The following PKD1 variants were observed in gnomAD, a reference collection of about 807,000 sequenced individuals.
PKD1 encodes polycystin-1.
A neutral mutation model predicts 361.7 loss-of-function variants in PKD1; 81 were observed. That is an observed-to-expected ratio of 0.22 (90% CI 0.19 to 0.27). The LOEUF (loss-of-function observed/expected upper bound fraction) is 0.27. PKD1 is among the 10% of genes least tolerant of loss of function. The probability of loss-of-function intolerance (pLI) is 1.00; values close to 1 mark genes in which losing one functional copy is unlikely to be tolerated. For missense variants in PKD1, 6,399 were observed against 6,118.3 expected, an observed-to-expected ratio of 1.05 and a Z score of -1.53; for synonymous variants, 3,615 against 2,818.3, an observed-to-expected ratio of 1.28 and a Z score of -8.95.
In PKD1 at chr16:2,093,498, G is replaced by A. The variant is rs540275332; in HGVS notation, c.11016+46C>T. 2.0e-6 allele frequency: 3 copies of A among 1,534,620 alleles called. No homozygotes were observed. The East Asian group carries it at 7.1e-5, about 36-fold the overall frequency. On this transcript the variant is annotated intron_variant, in intron 37 of 45. Transcript: ENST00000262304. ...CTGCGTGCATGGGTGGGAGGTGGGA[G>A]ACAAGAGACGGAGGTGGCAGGGGCA...
Position 2,091,130 on chromosome 16 carries a change from G to A in PKD1, c.11757C>T (p.Ala3919=), listed in dbSNP as rs1014293999. The stretch of plus-strand genomic sequence containing the variant: ...AGCGCCCTTCCCTGTGCCAAGTACG[G>A]GCCTCGGCCACGGCGAAGTGCACGG... ...LFAVHFAVAE[A]RTWHREGRWR... The change falls in exon 43 of 46, where the codon GCC becomes GCT. Residue 3919 remains alanine (A), a synonymous_variant. Transcript: ENST00000262304. 3.4e-6 allele frequency: 5 copies of A among 1,484,068 alleles called. No homozygotes were observed. Among genetic ancestry groups the A allele is most frequent in the Non-Finnish European group, 4.4e-6 (5 of 1,124,558 alleles). 91.9% of individuals were successfully genotyped at this position (1,484,068 alleles called of 1,614,324 possible).
chr16:2,089,824 C>G lies in PKD1; in HGVS notation c.12815G>C (p.Ser4272Thr). The G allele has an allele frequency of 6.2e-7, 1 of 1,602,410 alleles. No homozygotes were observed. The highest frequency in any genetic ancestry group is 1.7e-4 in the Middle Eastern group (1 of 5,966). Residue 4272 changes from serine (S) to threonine (T), a missense_variant, in exon 46 of 46, where the codon AGC (serine) becomes ACC (threonine). Coordinates refer to ENST00000262304, the MANE Select transcript of PKD1 (RefSeq NM_001009944.3). ...PSPGLRPALP[S>T]RLARASRGVD... ...ACCCCGACTGGCCCGGGCAAGGCGG[C>G]TGGGCAGTGCTGGCCGCAGGCCCGG...
At position 2,090,079 on chromosome 16, in the gene PKD1, G is replaced by C. The variant is rs1015395771; in HGVS notation, c.12560C>G (p.Pro4187Arg). 1 of 1,610,104 alleles carries C rather than the reference G, an allele frequency of 6.2e-7. No homozygotes were observed. The highest frequency in any genetic ancestry group is 2.2e-5 in the East Asian group (1 of 44,802). The change falls in exon 46 of 46, where the codon CCC becomes CGC. Residue 4187 changes from proline to arginine, a missense_variant. Transcript: ENST00000262304. ...ATCCAGCTGGCTGGAGGAGGTGGAG[G>C]GGTGCGAGGCATCGGAGCCAGCGCT... ...PPSAGSDASH[P>R]STSSSQLDGL...
At chr16:2,121,421 G>C (rs1301530161) in intron 1 of PKD1, among the ~76,000 whole-genome samples, 3 of 151,654 alleles carry the variant, frequency 2.0e-5, no homozygotes, top group Non-Finnish European at 2.9e-5. Context: ...AGGGAGGAAA[G>C]AAAGAGAAAA....
chr16:2,116,599 C>T lies in PKD1; in HGVS notation c.1652G>A (p.Gly551Glu). ...AENLLVGAPS[G>E]DLQGPLTPLA... ...AGGCGTCAGGGGTCCCTGCAGGTCC[C>T]CACTGGGCGCTCCCACGAGGAGGTT... Residue 551 changes from glycine (G) to glutamate (E), a missense_variant, in exon 8 of 46, where the codon GGG becomes GAG. Physicochemically the swap from Gly to Glu is moderately conservative, Grantham distance 98. Coordinates refer to ENST00000262304, the MANE Select transcript of PKD1 (RefSeq NM_001009944.3). 3 of 1,566,674 alleles carry T rather than the reference C, an allele frequency of 1.9e-6. No individual in the cohort carries two copies. Among genetic ancestry groups the T allele is most frequent in the Non-Finnish European group, 2.6e-6 (3 of 1,160,860 alleles).
Position 2,110,087 on chromosome 16 carries a change from G to A in PKD1, c.5080C>T (p.His1694Tyr), listed in dbSNP as rs374424212. The A allele has an allele frequency of 4.8e-5, 77 of 1,609,904 alleles. No homozygotes were observed. In the Middle Eastern group the frequency reaches 1.1e-3, roughly 23 times the overall value. ...ATGTTGGTGGCCCGCAGCTGCACAT[G>A]GTAGGTGCCGGCCTCGAGCACGGTG... is the stretch of plus-strand genomic sequence containing the variant. Reference protein sequence around the residue: ...SLTVLEAGTYHVQLRATNMLG... With the variant: ...SLTVLEAGTYYVQLRATNMLG... Residue 1694 changes from histidine to tyrosine, a missense_variant, in exon 15 of 46, where the codon CAT becomes TAT. By Grantham distance (83) the His-to-Tyr change is moderately conservative. Transcript: ENST00000262304.
intron 20 of PKD1, 109 bp downstream of exon 20, chr16:2,105,756 A>C: frequency 7.3e-7 from 1 of 1,365,104 alleles, no homozygotes; most frequent in South Asian, 1.2e-5. Flanking sequence ...ACTGGGATTT[A>C]TCTCTGGGGC....
chr16:2,108,524 G>A lies in PKD1; in HGVS notation c.6643C>T (p.Arg2215Trp), dbSNP rs752793757. The change falls in exon 15 of 46, where the codon CGG (arginine) becomes TGG (tryptophan). Residue 2215 changes from arginine to tryptophan, a missense_variant. Transcript: ENST00000262304. Reference sequence around the variant, plus strand: ...AGCGCCAGCCGCGGCAGCACCAGCCGAGGCCGGCTCACGTCCACGCCGGGC... The same window carrying A: ...AGCGCCAGCCGCGGCAGCACCAGCCAAGGCCGGCTCACGTCCACGCCGGGC... ...ALPGVDVSRPRLVLPRLALPV... is the reference protein window; with the variant it reads ...ALPGVDVSRPWLVLPRLALPV... 7 of 1,608,974 alleles carry A rather than the reference G, an allele frequency of 4.4e-6. No individual in the cohort carries two copies. The highest frequency in any genetic ancestry group is 4.2e-6 in the Non-Finnish European group (5 of 1,179,084).
rs569998759 is a variant in PKD1 at position 2,093,694 on chromosome 16, C to T, written c.10866G>A (p.Leu3622=). Residue 3622 remains leucine (L), a synonymous_variant, in exon 37 of 46, where the codon CTG becomes CTA. Transcript: ENST00000262304. ...ALYFSLVAKR[L]HPDEDDTLVE... ...CCAGGGTGTCATCTTCATCCGGGTG[C>T]AGCCGCTTGGCCACCAGTGAGAAGT... 3 of 1,600,526 alleles carry T rather than the reference C, an allele frequency of 1.9e-6. No individual in the cohort carries two copies. The highest frequency in any genetic ancestry group is 2.6e-6 in the Non-Finnish European group (3 of 1,173,524).
At chr16:2,131,294 G>C (rs906817493) in intron 1 of PKD1, among the ~76,000 whole-genome samples, 1 of 151,056 alleles carries the variant, frequency 6.6e-6, no homozygotes, top group Non-Finnish European at 1.5e-5. Context: ...GGAGGATCAC[G>C]AGGTCAGGAG....
chr16:2,124,556 G>T (rs981971024), intron 1 of PKD1, among the ~76,000 whole-genome samples: 20 of 152,318 alleles, frequency 1.3e-4, no homozygotes, highest in African/African-American at 4.6e-4. Context: ...AGCTCCCGGG[G>T]CCCTCCCAAT....
chr16:2,125,570 T>A (rs1258489108), intron 1 of PKD1, among the ~76,000 whole-genome samples: 1 of 152,138 alleles, frequency 6.6e-6, no homozygotes. Flanking sequence ...CCTCGGAGGC[T>A]GAACGAGGGA....
Position 2,103,554 on chromosome 16 carries a change from G to C in PKD1, c.8503C>G (p.Pro2835Ala). 6.2e-7 allele frequency: 1 copy of C among 1,609,750 alleles called. No individual in the cohort carries two copies. Among genetic ancestry groups the C allele is most frequent in the Non-Finnish European group, 8.5e-7 (1 of 1,179,688 alleles). Residue 2835 changes from proline (P) to alanine (A), a missense_variant, in exon 23 of 46, where the codon CCC (proline) becomes GCC (alanine). Physicochemically the swap from Pro to Ala is conservative, Grantham distance 27. Coordinates refer to ENST00000262304, the MANE Select transcript of PKD1 (RefSeq NM_001009944.3). ...LIFLVDSNPFPFGYISNYTVS... is the reference protein window; with the variant it reads ...LIFLVDSNPFAFGYISNYTVS... ...GTGTAGTTGCTGATATAGCCAAAGGGAAAGGGATTGGAGTCCACCAGAAAG... is the reference window on the plus strand; with the variant it reads ...GTGTAGTTGCTGATATAGCCAAAGGCAAAGGGATTGGAGTCCACCAGAAAG...
chr16:2,131,275 G>A (rs2092875133), intron 1 of PKD1, among the ~76,000 whole-genome samples: 1 of 152,170 alleles, frequency 6.6e-6, no homozygotes, highest in Non-Finnish European at 1.5e-5. Flanking sequence ...ACTTTGGGAG[G>A]CTGAGGCGGG....
At chr16:2,122,931 G>T (rs1472542769) in intron 1 of PKD1, among the ~76,000 whole-genome samples, 1 of 152,168 alleles carries the variant, frequency 6.6e-6, no homozygotes, top group Non-Finnish European at 1.5e-5. Context: ...CGGGAGAAAG[G>T]AAAGAAGGAA....
Position 2,105,847 on chromosome 16 carries a change from C to T in PKD1, c.7863+18G>A, listed in dbSNP as rs771459624. 2 of 1,594,788 alleles carry T rather than the reference C, an allele frequency of 1.3e-6. No individual in the cohort carries two copies. The highest frequency in any genetic ancestry group is 1.1e-5 in the South Asian group (1 of 90,966). On this transcript the variant is annotated intron_variant, in intron 20 of 45. Transcript: ENST00000262304. Reference sequence around the variant, plus strand: ...ACGCATGCAGCAGATGTGACGTCCCCTCCCAGGCTGCACTCACCTCGTTCA... The same window carrying T: ...ACGCATGCAGCAGATGTGACGTCCCTTCCCAGGCTGCACTCACCTCGTTCA...
rs4018147 is a variant in PKD1, at chr16:2,106,496, C to G, written c.7391G>C (p.Arg2464Pro). 10 of 1,594,154 alleles carry G rather than the reference C, an allele frequency of 6.3e-6. No homozygotes were observed. The highest frequency in any genetic ancestry group is 2.2e-5 in the East Asian group (1 of 44,700). ...SGEEEGCASI[R>P]LSPNRPPLGG... is the part of the protein sequence containing the mutation. ...CAGCGGCGGGCGGTTGGGGGACAGG[C>G]GGATGGAGGCGCAGCCCTCCTCCTC... is the stretch of plus-strand genomic sequence containing the variant. Residue 2464 changes from arginine to proline, a missense_variant, in exon 18 of 46, where the codon CGC (arginine) becomes CCC (proline). Transcript: ENST00000262304. The surrounding 1 kb of genome is among the most constrained non-coding windows in gnomAD (Gnocchi z 6.5).
chr16:2,091,110 C>G lies in PKD1; in HGVS notation c.11777G>C (p.Gly3926Ala). Reference sequence around the variant, plus strand: ...TCCGAGCCGCAGCACGCGCCAGCGCCCTTCCCTGTGCCAAGTACGGGCCTC... The same window carrying G: ...TCCGAGCCGCAGCACGCGCCAGCGCGCTTCCCTGTGCCAAGTACGGGCCTC... ...VAEARTWHRE[G>A]RWRVLRLGAW... Residue 3926 changes from glycine (G) to alanine (A), a missense_variant, in exon 43 of 46, where the codon GGG (glycine) becomes GCG (alanine). Coordinates refer to ENST00000262304, the MANE Select transcript of PKD1 (RefSeq NM_001009944.3). 6.7e-7 allele frequency: 1 copy of G among 1,494,754 alleles called. No individual in the cohort carries two copies. The highest frequency in any genetic ancestry group is 1.2e-5 in the South Asian group (1 of 81,190). 92.6% of individuals were successfully genotyped at this position (1,494,754 alleles called of 1,614,324 possible).
Position 2,103,686 on chromosome 16 carries a change from G to T in PKD1, c.8371C>A (p.Arg2791=), listed in dbSNP as rs756886497. 2.5e-6 allele frequency: 4 copies of T among 1,609,908 alleles called. No homozygotes were observed. The part of the protein sequence containing the change: ...IVAQGKRSDP[R]SLLCYGGAPG... Reference sequence around the variant, plus strand: ...GCGCCGCCATAGCACAGCAGGCTCCGCGGGTCCGAGCGCTTGCCCTGGGCC... The same window carrying T: ...GCGCCGCCATAGCACAGCAGGCTCCTCGGGTCCGAGCGCTTGCCCTGGGCC... Residue 2791 remains arginine (R), a synonymous_variant, in exon 23 of 46, where the codon CGG becomes AGG. Transcript: ENST00000262304.
Sources: gnomAD v4.1 joint callset for allele counts (sites outside exome capture counted in the v4.1 genomes callset) on GRCh38, gnomAD v4.1.1 for gene constraint, Gnocchi (gnomAD v3.1) non-coding constraint, MANE v1.5 for transcripts, NCBI Gene and HGNC (gene_info 2026-07-23, HGNC 2026-07-21) for gene names.